PLA2G7: variants seen among roughly 807,000 people sequenced by gnomAD.
PLA2G7 encodes phospholipase A2 group VII, also known as platelet-activating factor acetylhydrolase.
Under a neutral mutation model 49.6 loss-of-function variants are expected in PLA2G7, and 63 were observed. That is an observed-to-expected ratio of 1.27 (90% CI 1.04 to 1.57). PLA2G7 has a LOEUF of 1.57. PLA2G7 is among the 40% of genes most tolerant of loss of function. The pLI is 0.00. For missense variants in PLA2G7, 596 were observed against 521.2 expected, an observed-to-expected ratio of 1.14 and a Z score of -1.40; for synonymous variants, 193 against 169.9, an observed-to-expected ratio of 1.14 and a Z score of -1.06.
chr6:46,711,013 C>T (rs541380310), intron 7 of PLA2G7, among the ~76,000 whole-genome samples: 4 of 152,250 alleles, frequency 2.6e-5, no homozygotes, highest in African/African-American at 9.6e-5. Flanking sequence ...ATATGCTTCA[C>T]TTAACTTAAC....
At chr6:46,717,709 CTTTTTCTT>C (rs200732391) in intron 2 of PLA2G7, among the ~76,000 whole-genome samples, 32,207 of 116,040 alleles carry the variant, frequency 0.28, 3,750 homozygotes, top group South Asian at 0.41. Flanking sequence ...TTTCTTTTTT[CTTTTTCTT>C]TTTTTTTTTT....
At chr6:46,734,882 T>C (rs969413430) in intron 1 of PLA2G7, among the ~76,000 whole-genome samples, 6 of 151,926 alleles carry the variant, frequency 3.9e-5, no homozygotes, top group African/African-American at 1.5e-4. Context: ...AAAAGAAAAC[T>C]CCATGTGTTC....
chr6:46,713,311 G>A (rs1385082183), intron 5 of PLA2G7, among the ~76,000 whole-genome samples: 1 of 152,164 alleles, frequency 6.6e-6, no homozygotes, highest in Non-Finnish European at 1.5e-5. Flanking sequence ...GAATGATATA[G>A]CACAGGGATT....
rs148842084 is a variant in PLA2G7, at chr6:46,710,724, G to A, written c.664-66C>T. The A allele has an allele frequency of 2.1e-4, 257 of 1,250,602 alleles. 5 individuals carry two copies. Among genetic ancestry groups the A allele is most frequent in the Middle Eastern group, 4.5e-4 (2 of 4,492 alleles). The allele number at this position is 1,250,602 out of a possible 1,614,324, so 77.5% of individuals were successfully genotyped here. A position where few individuals can be genotyped will look rare whatever the true frequency, so the allele number is the denominator to read the frequency against. On this transcript the variant is annotated intron_variant, in intron 7 of 11. Coordinates refer to ENST00000274793, the MANE Select transcript of PLA2G7 (RefSeq NM_005084.4). The stretch of plus-strand genomic sequence containing the variant: ...GTTATAACACTTATTTTAAAGTTTA[G>A]GTAGAAGCTGTATTTGGGAAAAATC...
At chr6:46,712,434 T>A in intron 5 of PLA2G7, 97 bp from the exon 6 acceptor site, 1 of 851,856 alleles carries the variant, frequency 1.2e-6, no homozygotes, top group Non-Finnish European at 2.0e-6. Flanking sequence ...ATTACACCCC[T>A]GTAGTAGTGC....
chr6:46,722,960 T>G (rs201171283), intron 1 of PLA2G7, 35 bp from the exon 2 acceptor site: 3 of 889,146 alleles, frequency 3.4e-6, no homozygotes, highest in Non-Finnish European at 5.6e-6. Flanking sequence ...AAAAGAAGTA[T>G]GCAATGAAGA....
At chr6:46,716,843 T>G in intron 3 of PLA2G7, 132 bp downstream of exon 3, 1 of 910,936 alleles carries the variant, frequency 1.1e-6, no homozygotes, top group Non-Finnish European at 1.8e-6. Context: ...AAAGCCTTCA[T>G]ATGAAACAAT....
intron 6 of PLA2G7, among the ~76,000 whole-genome samples, chr6:46,711,985 T>C (rs540713900): frequency 2.6e-5 from 4 of 152,146 alleles, no homozygotes; most frequent in East Asian, 3.9e-4. Flanking sequence ...ACAACAACAA[T>C]AATAATAATA....
At chr6:46,728,650 G>C (rs1440901486) in intron 1 of PLA2G7, among the ~76,000 whole-genome samples, 1 of 152,202 alleles carries the variant, frequency 6.6e-6, no homozygotes. Context: ...GTCATAAAAG[G>C]TAAAAGTTGT....
intron 10 of PLA2G7, among the ~76,000 whole-genome samples, chr6:46,706,031 T>C (rs1764813902): frequency 6.6e-6 from 1 of 152,224 alleles, no homozygotes; most frequent in Admixed American, 6.5e-5. Flanking sequence ...CTTAGGATTC[T>C]ACTGGCAGAC....
intron 5 of PLA2G7, 139 bp downstream of exon 5, chr6:46,714,321 C>A (rs1765126193): frequency 2.7e-6 from 2 of 742,362 alleles, no homozygotes; most frequent in South Asian, 1.4e-5. Context: ...ATCAATAGAC[C>A]CACAGCCAAT....
Position 46,716,469 on chromosome 6 carries a change from C to A in PLA2G7, c.291G>T (p.Trp97Cys), listed in dbSNP as rs184940944. The change falls in exon 4 of 12, where the codon TGG (tryptophan) becomes TGT (cysteine). Residue 97 changes from tryptophan (W) to cysteine (C), a missense_variant. Trp to Cys is a radical substitution (Grantham distance 215). Coordinates refer to ENST00000274793, the MANE Select transcript of PLA2G7 (RefSeq NM_005084.4). ...CCCAAAAATATTCTTTATTTGGGAT[C>A]CAAAGGGTGTCAAGGCGATCATTAT... ...SQDNDRLDTL[W>C]IPNKEYFWGL... is the part of the protein sequence containing the mutation. 6.2e-7 allele frequency: 1 copy of A among 1,613,850 alleles called. No homozygotes were observed. Among genetic ancestry groups the A allele is most frequent in the East Asian group, 2.2e-5 (1 of 44,852 alleles).
At chr6:46,710,741 G>A (rs1043668318) in intron 7 of PLA2G7, 83 bp from the exon 8 acceptor site, 4 of 1,091,064 alleles carry the variant, frequency 3.7e-6, no homozygotes, top group Non-Finnish European at 5.6e-6. Flanking sequence ...GCTGTATTTG[G>A]GAAAAATCGT....
In PLA2G7 at chr6:46,728,030, A is replaced by G. The variant is rs558541506; in HGVS notation, c.-34-5105T>C. 5.9e-5 allele frequency among the ~76,000 whole-genome samples: 9 copies of G among 152,342 alleles called. No individual in the cohort carries two copies. The South Asian group carries it at 1.4e-3, about 25-fold the overall frequency. On this transcript the variant is annotated intron_variant, in intron 1 of 11. Transcript: ENST00000274793. Reference sequence around the variant, plus strand: ...CAGCAGCAATAGAAAACTAATATGGAGCATATAAAGTAACTGAATGAGACA... The same window carrying G: ...CAGCAGCAATAGAAAACTAATATGGGGCATATAAAGTAACTGAATGAGACA...
chr6:46,709,223 A>C, intron 9 of PLA2G7, 104 bp downstream of exon 9: 1 of 737,524 alleles, frequency 1.4e-6, no homozygotes, highest in Non-Finnish European at 2.4e-6. Flanking sequence ...ATAAACTCCA[A>C]GAGATCCCTT....
At chr6:46,733,508 A>G (rs868084895) in intron 1 of PLA2G7, among the ~76,000 whole-genome samples, 3 of 152,238 alleles carry the variant, frequency 2.0e-5, no homozygotes, top group Non-Finnish European at 2.9e-5. Context: ...GCCCAGTTCA[A>G]TGAAGAAAGA....
chr6:46,723,966 A>G (rs1370858456), intron 1 of PLA2G7, among the ~76,000 whole-genome samples: 1 of 152,122 alleles, frequency 6.6e-6, no homozygotes, highest in Non-Finnish European at 1.5e-5. Context: ...GCCATTCACC[A>G]AACATGCCAA....
At chr6:46,706,785 G>A (rs911397194) in intron 10 of PLA2G7, among the ~76,000 whole-genome samples, 1 of 152,182 alleles carries the variant, frequency 6.6e-6, no homozygotes, top group Non-Finnish European at 1.5e-5. Flanking sequence ...TATTATTTCC[G>A]TTTTAGAATT....
intron 1 of PLA2G7, among the ~76,000 whole-genome samples, chr6:46,729,336 C>G (rs1765664885): frequency 6.6e-6 from 1 of 152,076 alleles, no homozygotes; most frequent in African/African-American, 2.4e-5. Flanking sequence ...CTGTTAGCTC[C>G]CTAAAACATC....
Sources: gnomAD v4.1 joint callset for allele counts (sites outside exome capture counted in the v4.1 genomes callset) on GRCh38, gnomAD v4.1.1 for gene constraint, MANE v1.5 for transcripts, NCBI Gene and HGNC (gene_info 2026-07-23, HGNC 2026-07-21) for gene names.